TAB2: variants seen among roughly 807,000 people sequenced by gnomAD.
TAB2 encodes the protein TGF-beta-activated kinase 1 and MAP3K7-binding protein 2.
In TAB2, 3 loss-of-function variants were observed where a neutral mutation model predicts 65.0. That is an observed-to-expected ratio of 0.05 (90% confidence interval 0.02 to 0.12). The LOEUF (loss-of-function observed/expected upper bound fraction) is 0.12, where lower values mean the gene tolerates loss of function less well. Among genes scored for constraint, TAB2 ranks in the 10% least tolerant of loss-of-function variants. The pLI, the probability that TAB2 is intolerant of heterozygous loss-of-function variation, is 1.00. For synonymous variants in TAB2, 298 were observed against 285.1 expected, an observed-to-expected ratio of 1.05 and a Z score of -0.46; for missense variants, 623 against 840.3, an observed-to-expected ratio of 0.74 and a Z score of 3.20.
At chr6:149,321,483 T>C (rs375251087) in intron 1 of TAB2, 5 of 152,346 alleles carry the variant, frequency 3.3e-5, no homozygotes, top group Admixed American at 2.0e-4. Flanking sequence ...TAGAGATTGC[T>C]AAGAGGGTAC....
intron 1 of TAB2, among the ~76,000 whole-genome samples, chr6:149,272,003 C>A (rs145763055): frequency 6.6e-6 from 1 of 152,022 alleles, no homozygotes; most frequent in Non-Finnish European, 1.5e-5. Context: ...CACCCCCAAC[C>A]CCCCAAAGAC....
At chr6:149,251,460 T>C (rs114688894) in intron 1 of TAB2, among the ~76,000 whole-genome samples, 1,820 of 152,316 alleles carry the variant, frequency 0.012, 35 homozygotes, top group African/African-American at 0.041. Flanking sequence ...AGAAGAGATT[T>C]GCTTTTTCAA....
chr6:149,341,896 A>G (rs1014954293), intron 1 of TAB2, among the ~76,000 whole-genome samples: 6 of 152,124 alleles, frequency 3.9e-5, no homozygotes, highest in African/African-American at 1.4e-4. Context: ...GCCTAAGGGT[A>G]CCAGCCTACC....
chr6:149,362,667 C>T (rs76401145), intron 1 of TAB2, among the ~76,000 whole-genome samples: 12 of 151,432 alleles, frequency 7.9e-5, no homozygotes, highest in Non-Finnish European at 1.2e-4. Flanking sequence ...AAAAATTAAC[C>T]TTTTTTTGGA....
rs144701352 is a variant in TAB2 at position 149,284,273 on chromosome 6, C to T, written c.-121+65497C>T. Among the ~76,000 whole-genome samples the T allele has an allele frequency of 5.2e-3, 792 of 152,240 alleles. 5 individuals are homozygous for T. The highest frequency in any genetic ancestry group is 9.0e-3 in the Non-Finnish European group (610 of 68,006). On this transcript the variant is annotated intron_variant, in intron 1 of 1. Coordinates refer to the TAB2 transcript ENST00000606202. ...TGAGTGCCTCTTGCCAACCTCTACC[C>T]GCTGACCTGTAACCATTCTTCAAGA...
At chr6:149,234,443 C>G (rs946295382) in intron 1 of TAB2, among the ~76,000 whole-genome samples, 6 of 152,084 alleles carry the variant, frequency 3.9e-5, no homozygotes, top group Admixed American at 6.6e-5. Flanking sequence ...ACCCACACCC[C>G]AGCTTCACCC....
intron 3 of TAB2, among the ~76,000 whole-genome samples, chr6:149,384,516 A>T (rs1025538146): frequency 2.0e-5 from 3 of 152,212 alleles, no homozygotes; most frequent in African/African-American, 7.2e-5. Context: ...CAAAAGTGGA[A>T]AGAACAAATT....
intron 1 of TAB2, among the ~76,000 whole-genome samples, chr6:149,270,789 G>A (rs951987158): frequency 6.6e-6 from 1 of 152,130 alleles, no homozygotes; most frequent in Non-Finnish European, 1.5e-5. Flanking sequence ...TGGTCAACTC[G>A]CCCAGCTTTG....
chr6:149,220,530 A>G (rs9485359), intron 1 of TAB2, among the ~76,000 whole-genome samples: 7,546 of 152,256 alleles, frequency 0.05, 530 homozygotes, highest in South Asian at 0.15. Flanking sequence ...GATTACATCT[A>G]TTAATATCAC....
chr6:149,286,206 T>G (rs1463964506), intron 1 of TAB2, among the ~76,000 whole-genome samples: 1 of 152,208 alleles, frequency 6.6e-6, no homozygotes, highest in Non-Finnish European at 1.5e-5. Flanking sequence ...GATTTGCGAG[T>G]TAGAAGAAAT....
chr6:149,329,200 G>T (rs773046932), intron 1 of TAB2, among the ~76,000 whole-genome samples: 8 of 152,180 alleles, frequency 5.3e-5, no homozygotes, highest in East Asian at 1.9e-4. Flanking sequence ...TCTTGTTGTA[G>T]TGCACAAAAT....
At chr6:149,345,753 A>G (rs911854786) in intron 1 of TAB2, among the ~76,000 whole-genome samples, 5 of 152,208 alleles carry the variant, frequency 3.3e-5, no homozygotes, top group Non-Finnish European at 5.9e-5. Context: ...CATTTTTTAA[A>G]AGCTTTTTAA....
At chr6:149,353,079 G>A (rs1027938075) in intron 1 of TAB2, among the ~76,000 whole-genome samples, 29 of 152,198 alleles carry the variant, frequency 1.9e-4, no homozygotes, top group African/African-American at 6.7e-4. Context: ...TCTCTACCTT[G>A]ACTTCCCATC....
At chr6:149,340,342 A>G (rs1377169024) in intron 1 of TAB2, among the ~76,000 whole-genome samples, 2 of 152,232 alleles carry the variant, frequency 1.3e-5, no homozygotes, top group Non-Finnish European at 2.9e-5. Context: ...AAGTTTTCAG[A>G]AAGAAAATTA....
intron 1 of TAB2, among the ~76,000 whole-genome samples, chr6:149,258,692 C>T (rs1231883691): frequency 6.6e-6 from 1 of 152,144 alleles, no homozygotes; most frequent in Non-Finnish European, 1.5e-5. Flanking sequence ...AAGAAATTAC[C>T]ATATGCCTAT....
chr6:149,264,409 A>C (rs978680050), intron 1 of TAB2, among the ~76,000 whole-genome samples: 1 of 152,236 alleles, frequency 6.6e-6, no homozygotes, highest in African/African-American at 2.4e-5. Flanking sequence ...CGGAGGCCTA[A>C]TAAAGAACTG....
At chr6:149,317,047 C>T (rs1245737685), upstream of TAB2, among the ~76,000 whole-genome samples, 1 of 150,304 alleles carries the variant, frequency 6.7e-6, no homozygotes, top group African/African-American at 2.4e-5. The surrounding 1 kb of genome is among the most constrained non-coding windows in gnomAD (Gnocchi z 4.7). Flanking sequence ...GGGGTCCGGC[C>T]GGGCCCCCGG....
At chr6:149,265,655 CA>C (rs1293591220) in intron 1 of TAB2, among the ~76,000 whole-genome samples, 1 of 152,200 alleles carries the variant, frequency 6.6e-6, no homozygotes, top group Non-Finnish European at 1.5e-5. Context: ...GGGACTATAA[CA>C]GGGGCTTATG....
chr6:149,286,065 A>T (rs9498285), intron 1 of TAB2, among the ~76,000 whole-genome samples: 294 of 152,278 alleles, frequency 1.9e-3, no homozygotes, highest in African/African-American at 6.7e-3. Flanking sequence ...CTTTAAAATA[A>T]TTTATTCTTT....
Sources: allele counts gnomAD v4.1 joint callset (sites outside exome capture counted in the v4.1 genomes callset), GRCh38; gene constraint gnomAD v4.1.1; non-coding constraint Gnocchi (gnomAD v3.1); transcripts MANE v1.5; gene names NCBI Gene and HGNC (gene_info 2026-07-23, HGNC 2026-07-21).